RALYL: variants seen among roughly 807,000 people sequenced by gnomAD.
RALYL encodes RALY RNA binding protein like.
In RALYL, 29 loss-of-function variants were observed where a neutral mutation model predicts 35.1. The ratio of observed to expected loss-of-function variants is 0.83; its 90% confidence interval spans 0.61 to 1.13. The LOEUF (loss-of-function observed/expected upper bound fraction) is 1.13. Ranked by LOEUF, RALYL falls within the 50% of genes most tolerant of loss-of-function variation. The probability of loss-of-function intolerance (pLI) is 0.00; values close to 1 mark genes in which losing one functional copy is unlikely to be tolerated. For synonymous variants in RALYL, 120 were observed against 127.6 expected (o/e 0.94, Z 0.40); for missense variants, 359 against 360.4 (o/e 1.00, Z 0.03).
chr8:84,363,144 C>T (rs1448558369), intron 1 of RALYL, among the ~76,000 whole-genome samples: 2 of 152,104 alleles, frequency 1.3e-5, no homozygotes, highest in Non-Finnish European at 2.9e-5. Flanking sequence ...AAACTTGGAC[C>T]CATGAGGACA....
At chr8:84,654,696 G>T (rs1829614147) in intron 2 of RALYL, among the ~76,000 whole-genome samples, 1 of 151,952 alleles carries the variant, frequency 6.6e-6, no homozygotes, top group South Asian at 2.1e-4. Flanking sequence ...ATCTTTCTGT[G>T]CCTGGCTTAT....
intron 3 of RALYL, among the ~76,000 whole-genome samples, chr8:84,798,150 A>G (rs1822374568): frequency 6.6e-6 from 1 of 152,168 alleles, no homozygotes; most frequent in Non-Finnish European, 1.5e-5. Context: ...CTGCATTGAT[A>G]ACATGACTCC....
intron 1 of RALYL, among the ~76,000 whole-genome samples, chr8:84,373,979 G>A (rs1283779072): frequency 6.6e-6 from 1 of 151,890 alleles, no homozygotes; most frequent in African/African-American, 2.4e-5. Flanking sequence ...ATTTTGAATG[G>A]GATTGTGTTT....
chr8:84,487,442 C>T, intron 1 of RALYL, among the ~76,000 whole-genome samples: 1 of 152,006 alleles, frequency 6.6e-6, no homozygotes, highest in Admixed American at 6.6e-5. Context: ...TCTACTTTAG[C>T]TGAACCTTTG....
chr8:84,878,465 G>T (rs1841596253), intron 7 of RALYL, among the ~76,000 whole-genome samples: 1 of 151,900 alleles, frequency 6.6e-6, no homozygotes, highest in Admixed American at 6.6e-5. Flanking sequence ...TTACAAAGTT[G>T]CCAGTCAATA....
At chr8:84,802,690 A>G (rs2133988491) in intron 3 of RALYL, among the ~76,000 whole-genome samples, 1 of 152,332 alleles carries the variant, frequency 6.6e-6, no homozygotes, top group East Asian at 1.9e-4. Context: ...CAGAGGGAAA[A>G]TCAAAAGTGG....
At chr8:84,898,766 A>G (rs1263889798) in intron 8 of RALYL, among the ~76,000 whole-genome samples, 1 of 152,148 alleles carries the variant, frequency 6.6e-6, no homozygotes, top group Non-Finnish European at 1.5e-5. Flanking sequence ...CTGAAATGTC[A>G]TTCCGTACCT....
intron 2 of RALYL, among the ~76,000 whole-genome samples, chr8:84,644,126 AT>A (rs1168157777): frequency 2.0e-5 from 3 of 152,034 alleles, no homozygotes; most frequent in Admixed American, 1.3e-4. Context: ...AAGAAAGTAT[AT>A]TTCAAGGCTA....
intron 2 of RALYL, among the ~76,000 whole-genome samples, chr8:84,592,261 T>C (rs1296027087): frequency 6.6e-6 from 1 of 152,170 alleles, no homozygotes; most frequent in Non-Finnish European, 1.5e-5. Flanking sequence ...TGGTAGCAGA[T>C]ATTATCAGAA....
chr8:84,400,250 C>G (rs747695326), intron 1 of RALYL, among the ~76,000 whole-genome samples: 2 of 152,112 alleles, frequency 1.3e-5, no homozygotes, highest in African/African-American at 4.8e-5. Context: ...TTCGTATACA[C>G]GTTATACACA....
intron 2 of RALYL, among the ~76,000 whole-genome samples, chr8:84,602,050 A>G (rs758195126): frequency 6.6e-6 from 1 of 151,744 alleles, no homozygotes; most frequent in Non-Finnish European, 1.5e-5. Context: ...TGTACTGCAT[A>G]CTCTCTCTTC....
chr8:84,624,310 C>T (rs1822238852), intron 2 of RALYL, among the ~76,000 whole-genome samples: 2 of 152,212 alleles, frequency 1.3e-5, no homozygotes, highest in South Asian at 2.1e-4. Flanking sequence ...TTCTGTAAGT[C>T]AGAAGCCTAA....
chr8:84,907,016 G>C (rs763349847), intron 8 of RALYL: 21 of 974,644 alleles, frequency 2.2e-5, no homozygotes, highest in Non-Finnish European at 2.6e-5. Flanking sequence ...CCTTTGGAAA[G>C]CTGGTAAGAA....
intron 1 of RALYL, among the ~76,000 whole-genome samples, chr8:84,416,335 C>T (rs144791056): frequency 6.6e-6 from 1 of 152,192 alleles, no homozygotes; most frequent in East Asian, 1.9e-4. Flanking sequence ...GTGGTGAGTG[C>T]AATAATCCAG....
chr8:84,777,302 G>A (rs1390399695), intron 3 of RALYL, among the ~76,000 whole-genome samples: 1 of 152,088 alleles, frequency 6.6e-6, no homozygotes, highest in African/African-American at 2.4e-5. Context: ...ACACAGATAG[G>A]GAAAGTAGAG....
chr8:84,286,055 T>G (rs552840545), intron 1 of RALYL, among the ~76,000 whole-genome samples: 1 of 152,248 alleles, frequency 6.6e-6, no homozygotes, highest in East Asian at 1.9e-4. Flanking sequence ...ATGATCAGAT[T>G]GTAGATACAC....
intron 1 of RALYL, among the ~76,000 whole-genome samples, chr8:84,402,672 C>G (rs1185949738): frequency 6.6e-6 from 1 of 151,958 alleles, no homozygotes; most frequent in Non-Finnish European, 1.5e-5. Context: ...GAAAATAGAC[C>G]CTTCCAAGAC....
intron 1 of RALYL, among the ~76,000 whole-genome samples, chr8:84,494,596 C>T (rs947134740): frequency 7.9e-5 from 12 of 151,766 alleles, no homozygotes; most frequent in Non-Finnish European, 1.5e-4. Flanking sequence ...GCTTGTAGTT[C>T]TTGAAGAGCT....
chr8:84,861,177 TCA>T (rs1039334483), intron 5 of RALYL, among the ~76,000 whole-genome samples: 2 of 152,190 alleles, frequency 1.3e-5, no homozygotes, highest in Admixed American at 6.5e-5. Context: ...TTTTATTCTG[TCA>T]CAATAAAATA....
Sources: gnomAD v4.1 joint callset for allele counts (sites outside exome capture counted in the v4.1 genomes callset) on GRCh38, gnomAD v4.1.1 for gene constraint, MANE v1.5 for transcripts, NCBI Gene and HGNC (gene_info 2026-07-23, HGNC 2026-07-21) for gene names.